The following FLVCR1 variants were observed in gnomAD, a reference collection of about 807,000 sequenced individuals.
The protein encoded by FLVCR1 is choline/ethanolamine transporter FLVCR1.
FLVCR1 carries 34 observed loss-of-function variants against 53.6 expected under a neutral mutation model. That is an observed-to-expected ratio of 0.63 (90% confidence interval 0.48 to 0.84). The LOEUF is 0.84. Among genes scored for constraint, FLVCR1 ranks in the 40% least tolerant of loss-of-function variants. The probability of loss-of-function intolerance (pLI) is 0.00; values close to 1 mark genes in which losing one functional copy is unlikely to be tolerated. For synonymous variants in FLVCR1, 300 were observed against 286.3 expected (o/e 1.05, Z -0.48); for missense variants, 677 against 696.7 (o/e 0.97, Z 0.32).
Position 212,883,869 on chromosome 1 carries a change from A to G in FLVCR1, c.1092+431A>G, listed in dbSNP as rs149656268. 4.9e-5 allele frequency among the ~76,000 whole-genome samples: 7 copies of G among 142,550 alleles called. No individual in the cohort carries two copies. The East Asian group carries it at 1.4e-3, about 29-fold the overall frequency. 93.5% of individuals were successfully genotyped at this position (142,550 alleles called of 152,430 possible). On this transcript the variant is annotated intron_variant, in intron 4 of 9. Transcript: ENST00000366971. ...TTTTTTTTTTTTGGAAAAGTGGCCCATTTTAAAGTTCAGTTTGATTATGTG... is the reference window on the plus strand; with the variant it reads ...TTTTTTTTTTTTGGAAAAGTGGCCCGTTTTAAAGTTCAGTTTGATTATGTG...
In FLVCR1 at chr1:212,898,442, A is replaced by G. The variant is rs1371725339; in HGVS notation, c.*3152A>G. ...AAATGTTTTTATTTTTAAACTATCA[A>G]TGTTGTTTAAAATAATCATGTACTT... On this transcript the variant is annotated 3_prime_UTR_variant, in exon 10 of 10. Transcript: ENST00000366971. The G allele has an allele frequency of 6.6e-6, 1 of 152,202 alleles. No homozygotes were observed. The highest frequency in any genetic ancestry group is 1.5e-5 in the Non-Finnish European group (1 of 68,034). 9.4% of individuals were successfully genotyped at this position (152,202 alleles called of 1,614,324 possible).
rs1277682240 is a variant in FLVCR1 at position 212,895,309 on chromosome 1, T to C, written c.*19T>C. On this transcript the variant is annotated 3_prime_UTR_variant, in exon 10 of 10. Coordinates refer to ENST00000366971, the MANE Select transcript of FLVCR1 (RefSeq NM_014053.4). ...AATTTGAAGAGAAAGGCAAAGTTAC[T>C]GTCCTGTAGTAATTGGGGACAATGT... The C allele has an allele frequency of 2.5e-6, 4 of 1,578,452 alleles. No individual in the cohort carries two copies. Among genetic ancestry groups the C allele is most frequent in the Non-Finnish European group, 3.5e-6 (4 of 1,147,362 alleles).
chr1:212,881,701 A>G (rs1488603986), intron 3 of FLVCR1, among the ~76,000 whole-genome samples: 1 of 152,198 alleles, frequency 6.6e-6, no homozygotes, highest in Admixed American at 6.5e-5. Flanking sequence ...CTAAAGAAGT[A>G]TATTGATAAA....
chr1:212,890,249 C>A (rs1208828469), intron 8 of FLVCR1, among the ~76,000 whole-genome samples: 1 of 152,192 alleles, frequency 6.6e-6, no homozygotes, highest in Non-Finnish European at 1.5e-5. Context: ...AAAATGTCAT[C>A]ATTCCCTAAA....
At chr1:212,866,051 T>C (rs61833729) in intron 2 of FLVCR1, among the ~76,000 whole-genome samples, 2 of 49,414 alleles carry the variant, frequency 4.0e-5, no homozygotes, top group Non-Finnish European at 6.4e-5. Flanking sequence ...GTGGCGCAAT[T>C]TCGACTCACT....
chr1:212,863,336 A>G (rs1664303206), intron 1 of FLVCR1, among the ~76,000 whole-genome samples: 1 of 152,244 alleles, frequency 6.6e-6, no homozygotes, highest in Non-Finnish European at 1.5e-5. Context: ...TCACGCCTGT[A>G]ATCCCAGCAC....
chr1:212,873,831 C>T (rs1411468896), intron 3 of FLVCR1, among the ~76,000 whole-genome samples: 1 of 152,116 alleles, frequency 6.6e-6, no homozygotes, highest in Non-Finnish European at 1.5e-5. Flanking sequence ...TAAGTCCGGA[C>T]CTAAACTATT....
intron 8 of FLVCR1, among the ~76,000 whole-genome samples, chr1:212,893,367 A>T (rs1443920790): frequency 6.6e-6 from 1 of 151,958 alleles, no homozygotes; most frequent in Non-Finnish European, 1.5e-5. Context: ...GTTGCTTCTT[A>T]TGGATAAGCA....
intron 3 of FLVCR1, among the ~76,000 whole-genome samples, chr1:212,874,916 T>TACACACACACACACACACAC (rs57061343): frequency 6.7e-6 from 1 of 149,362 alleles, no homozygotes; most frequent in South Asian, 2.1e-4. Flanking sequence ...GTCACAGACG[T>TACACACACACACACACACAC]ACACACACAC....
intron 2 of FLVCR1, among the ~76,000 whole-genome samples, chr1:212,872,444 T>C (rs1664627289): frequency 2.6e-5 from 4 of 152,226 alleles, no homozygotes; most frequent in Admixed American, 1.3e-4. Context: ...GAATTGGCCA[T>C]ATCTCTGAGT....
At chr1:212,888,852 A>AT (rs1201984725) in intron 7 of FLVCR1, among the ~76,000 whole-genome samples, 2 of 151,546 alleles carry the variant, frequency 1.3e-5, no homozygotes, top group Non-Finnish European at 2.9e-5. Flanking sequence ...GCCCAGCTAA[A>AT]TTTTTTTTGT....
chr1:212,889,556 G>T (rs1026065429), intron 8 of FLVCR1, among the ~76,000 whole-genome samples: 1 of 152,036 alleles, frequency 6.6e-6, no homozygotes, highest in Non-Finnish European at 1.5e-5. Context: ...TACTTGAGGT[G>T]AGGAGTTTGA....
At chr1:212,875,805 C>T (rs554676557) in intron 3 of FLVCR1, among the ~76,000 whole-genome samples, 398 of 150,858 alleles carry the variant, frequency 2.6e-3, no homozygotes, top group Non-Finnish European at 2.8e-3. Context: ...CGTGCCACTG[C>T]ACTCCAGCCT....
Position 212,858,419 on chromosome 1 carries a change from C to A in FLVCR1, c.-34C>A. The A allele has an allele frequency of 7.0e-7, 1 of 1,421,606 alleles. No individual in the cohort carries two copies. Among genetic ancestry groups the A allele is most frequent in the Non-Finnish European group, 9.2e-7 (1 of 1,089,472 alleles). The allele number at this position is 1,421,606 out of a possible 1,614,324, so 88.1% of individuals were successfully genotyped here. A position where few individuals can be genotyped will look rare whatever the true frequency, so the allele number is the denominator to read the frequency against. On this transcript the variant is annotated 5_prime_UTR_variant, in exon 1 of 10. Coordinates refer to ENST00000366971, the MANE Select transcript of FLVCR1 (RefSeq NM_014053.4). ...GGGAGAGCGGAGTCGGGGAGTGGGG[C>A]GGGGGAGCGAGGTGGCGCCGGGGAG...
intron 2 of FLVCR1, 71 bp downstream of exon 2, chr1:212,863,940 A>G: frequency 7.6e-7 from 1 of 1,315,468 alleles, no homozygotes; most frequent in Non-Finnish European, 1.1e-6. Context: ...AACTCTGGAA[A>G]TTTTTGTTGA....
intron 8 of FLVCR1, among the ~76,000 whole-genome samples, chr1:212,890,332 ATG>A (rs979034919): frequency 6.6e-6 from 1 of 152,080 alleles, no homozygotes. Flanking sequence ...ACATAGGAGG[ATG>A]TGTGTACGTT....
chr1:212,866,732 C>T (rs531012478), intron 2 of FLVCR1, among the ~76,000 whole-genome samples: 15 of 152,076 alleles, frequency 9.9e-5, no homozygotes, highest in Middle Eastern at 3.4e-3. Context: ...GTACTCATGG[C>T]CTACAGGTAG....
chr1:212,882,930 T>C (rs146443528), intron 3 of FLVCR1, among the ~76,000 whole-genome samples: 24 of 152,318 alleles, frequency 1.6e-4, no homozygotes, highest in African/African-American at 4.8e-4. Flanking sequence ...TTTTGTCTTA[T>C]GAATTTTCAG....
At chr1:212,859,741 C>CATA (rs139681885) in intron 1 of FLVCR1, among the ~76,000 whole-genome samples, 33,675 of 150,834 alleles carry the variant, frequency 0.22, 4,327 homozygotes, top group East Asian at 0.44. Context: ...AAACTGTAAC[C>CATA]ATAATAATAA....
Sources: allele counts gnomAD v4.1 joint callset (sites outside exome capture counted in the v4.1 genomes callset), GRCh38; gene constraint gnomAD v4.1.1; transcripts MANE v1.5; gene names NCBI Gene and HGNC (gene_info 2026-07-23, HGNC 2026-07-21).